The following PATJ variants were observed in gnomAD, a reference collection of about 807,000 sequenced individuals.
PATJ encodes the protein PATJ crumbs cell polarity complex component.
In PATJ, 190 loss-of-function variants were observed where a neutral mutation model predicts 224.9. That is an observed-to-expected ratio of 0.84 (90% CI 0.75 to 0.95). The LOEUF is 0.95. Ranked by LOEUF, PATJ falls within the 40% of genes least tolerant of loss-of-function variation. The pLI, the probability that PATJ is intolerant of heterozygous loss-of-function variation, is 0.00. For synonymous variants in PATJ, 769 were observed against 820.3 expected (o/e 0.94, Z 1.07); for missense variants, 2,121 against 2,270.3 (o/e 0.93, Z 1.34).
intron 3 of PATJ, 49 bp downstream of exon 3, chr1:61,763,228 C>T (rs1440701416): frequency 1.1e-5 from 12 of 1,069,724 alleles, no homozygotes; most frequent in Non-Finnish European, 1.5e-5. Flanking sequence ...TTAATATATT[C>T]AAACCATCAA....
intron 18 of PATJ, among the ~76,000 whole-genome samples, chr1:61,860,476 A>G (rs887995420): frequency 2.0e-5 from 3 of 152,194 alleles, no homozygotes; most frequent in African/African-American, 7.2e-5. Context: ...TTGCAAGGCT[A>G]CGTGTCCTTG....
chr1:61,806,994 A>T (rs887653003), intron 13 of PATJ, among the ~76,000 whole-genome samples: 11 of 151,968 alleles, frequency 7.2e-5, no homozygotes, highest in Non-Finnish European at 1.3e-4. Flanking sequence ...TCTACTAAAA[A>T]TACAGAAATT....
intron 19 of PATJ, 144 bp downstream of exon 19, chr1:61,861,811 G>C (rs939026898): frequency 1.0e-5 from 5 of 495,946 alleles, no homozygotes; most frequent in Non-Finnish European, 1.8e-5. Flanking sequence ...GAAGACAAAA[G>C]CTTGTCCCCA....
intron 43 of PATJ, among the ~76,000 whole-genome samples, chr1:62,158,836 C>G (rs140752838): frequency 0.014 from 2,080 of 151,168 alleles, 45 homozygotes; most frequent in African/African-American, 0.047. Context: ...GTAATACCAA[C>G]TACTTGGGAG....
Position 61,923,149 on chromosome 1 carries a change from C to T in PATJ, c.3571-4581C>T, listed in dbSNP as rs367733323. On this transcript the variant is annotated intron_variant, in intron 26 of 43. Transcript: ENST00000642238. Reference sequence around the variant, plus strand: ...CTGAGTTATTTGTCACAAAGAAAAACACCTAGCCACTGCGTTAATGTGGCA... The same window carrying T: ...CTGAGTTATTTGTCACAAAGAAAAATACCTAGCCACTGCGTTAATGTGGCA... 2.6e-5 allele frequency among the ~76,000 whole-genome samples: 4 copies of T among 152,332 alleles called. No individual in the cohort carries two copies. In the East Asian group the frequency reaches 7.7e-4, roughly 29 times the overall value.
chr1:61,831,556 G>A (rs1264614375), intron 16 of PATJ, among the ~76,000 whole-genome samples: 2 of 152,114 alleles, frequency 1.3e-5, no homozygotes, highest in African/African-American at 4.8e-5. Context: ...AGACATATAC[G>A]TGGCCAACCA....
chr1:62,142,674 T>C (rs1667621959), intron 41 of PATJ, among the ~76,000 whole-genome samples: 1 of 152,072 alleles, frequency 6.6e-6, no homozygotes. Context: ...GAGAGTGCTA[T>C]GGAGAGGAAA....
intron 41 of PATJ, among the ~76,000 whole-genome samples, chr1:62,138,128 G>C (rs1667145092): frequency 6.6e-6 from 1 of 152,162 alleles, no homozygotes; most frequent in African/African-American, 2.4e-5. Flanking sequence ...AAACCAAGTA[G>C]TTCATTAAAT....
chr1:61,881,417 T>A (rs1181691810), intron 21 of PATJ, among the ~76,000 whole-genome samples: 5 of 149,610 alleles, frequency 3.3e-5, no homozygotes, highest in African/African-American at 7.4e-5. Flanking sequence ...ATTTTTTTTT[T>A]TTTTTTTTTT....
At position 61,959,775 on chromosome 1, in the gene PATJ, C is replaced by A. The variant is rs144345783; in HGVS notation, c.3671-30393C>A. ...TGGTTCTGTCATATGGGTCTCAACA[C>A]AGTCCTTTGTACATAATTATTGCTT... On this transcript the variant is annotated intron_variant, in intron 27 of 43. Coordinates refer to ENST00000642238, the MANE Select transcript of PATJ (RefSeq NM_001350145.3). Among the ~76,000 whole-genome samples, 3 of 152,224 alleles carry A rather than the reference C, an allele frequency of 2.0e-5. No individual in the cohort carries two copies. The East Asian group carries it at 5.8e-4, about 29-fold the overall frequency.
intron 42 of PATJ, 40 bp downstream of exon 42, chr1:62,148,430 G>A: frequency 7.0e-7 from 1 of 1,431,536 alleles, no homozygotes. Flanking sequence ...ATGCATGTGG[G>A]CAAAGCTCGG....
intron 27 of PATJ, among the ~76,000 whole-genome samples, chr1:61,952,615 A>G (rs1020986391): frequency 6.6e-6 from 1 of 152,224 alleles, no homozygotes; most frequent in Non-Finnish European, 1.5e-5. Context: ...TTTCATGTGC[A>G]CTGTAGTTTG....
intron 17 of PATJ, among the ~76,000 whole-genome samples, chr1:61,843,731 A>AG (rs1661482245): frequency 6.6e-6 from 1 of 152,022 alleles, no homozygotes; most frequent in Admixed American, 6.5e-5. Context: ...AAAAAAAAAA[A>AG]AAAATGCATA....
At chr1:61,771,745 G>A in intron 6 of PATJ, 119 bp downstream of exon 6, 1 of 746,850 alleles carries the variant, frequency 1.3e-6, no homozygotes, top group South Asian at 2.3e-5. Flanking sequence ...TTGAGATGGA[G>A]TTTCGCTCTT....
At chr1:62,135,455 G>A (rs2148972263) in intron 41 of PATJ, among the ~76,000 whole-genome samples, 1 of 146,556 alleles carries the variant, frequency 6.8e-6, no homozygotes, top group East Asian at 2.0e-4. Context: ...GGCAGAGGTT[G>A]CAATGAGATG....
At chr1:62,121,342 TAAA>T in intron 38 of PATJ, 47 bp downstream of exon 38, 1 of 845,668 alleles carries the variant, frequency 1.2e-6, no homozygotes, top group Non-Finnish European at 1.8e-6. Context: ...TTACCCAAAT[TAAA>T]AAAAAAAAAT....
At chr1:61,812,431 A>AGTGTGTGTGTGT (rs1315887673) in intron 14 of PATJ, among the ~76,000 whole-genome samples, 135 of 109,086 alleles carry the variant, frequency 1.2e-3, no homozygotes, top group African/African-American at 4.3e-3. Context: ...AGAGAGAGAG[A>AGTGTGTGTGTGT]GAGTGTGTGT....
chr1:61,755,756 T>C (rs2148228006), intron 1 of PATJ, among the ~76,000 whole-genome samples: 1 of 152,316 alleles, frequency 6.6e-6, no homozygotes, highest in South Asian at 2.1e-4. Flanking sequence ...TAAAATACGT[T>C]ATTAGAAAAA....
intron 11 of PATJ, among the ~76,000 whole-genome samples, chr1:61,800,270 T>C (rs2148577370): frequency 6.6e-6 from 1 of 152,324 alleles, no homozygotes; most frequent in East Asian, 1.9e-4. Flanking sequence ...CAGTTGTTTT[T>C]TGACTTTTTA....
Sources: gnomAD v4.1 joint callset for allele counts (sites outside exome capture counted in the v4.1 genomes callset) on GRCh38, gnomAD v4.1.1 for gene constraint, MANE v1.5 for transcripts, NCBI Gene and HGNC (gene_info 2026-07-23, HGNC 2026-07-21) for gene names.